Variants in PTPRT observed in about 807,000 individuals in gnomAD.
PTPRT encodes the protein receptor-type tyrosine-protein phosphatase T.
Under a neutral mutation model 176.8 loss-of-function variants are expected in PTPRT, and 56 were observed. That is an observed-to-expected ratio of 0.32 (90% CI 0.26 to 0.40). PTPRT has a LOEUF of 0.40. PTPRT is among the 10% of genes least tolerant of loss of function. PTPRT has a pLI of 1.00. For missense variants in PTPRT, 1,540 were observed against 1,908.2 expected (o/e 0.81, Z 3.60); for synonymous variants, 783 against 739.0 (o/e 1.06, Z -0.96).
At chr20:42,612,876 T>C (rs1262373684) in intron 7 of PTPRT, among the ~76,000 whole-genome samples, 1 of 151,720 alleles carries the variant, frequency 6.6e-6, no homozygotes. Context: ...GTTTCTGTGG[T>C]GTGGGAATGT....
chr20:42,152,567 G>A (rs560094411), intron 17 of PTPRT, among the ~76,000 whole-genome samples: 3 of 152,192 alleles, frequency 2.0e-5, no homozygotes, highest in Admixed American at 2.0e-4. Context: ...TCTCCTTTAG[G>A]TGACAAATTC....
chr20:42,333,995 A>C (rs190020034), intron 11 of PTPRT, among the ~76,000 whole-genome samples: 33 of 152,322 alleles, frequency 2.2e-4, no homozygotes, highest in Admixed American at 1.5e-3. Flanking sequence ...TTTGGCTTTA[A>C]TTTCTAATAC....
intron 1 of PTPRT, among the ~76,000 whole-genome samples, chr20:43,015,690 G>C (rs951240933): frequency 6.6e-6 from 1 of 152,034 alleles, no homozygotes; most frequent in Non-Finnish European, 1.5e-5. Flanking sequence ...CAGATATCCT[G>C]GGCTAGACTC....
At chr20:43,023,289 T>C (rs1159008549) in intron 1 of PTPRT, among the ~76,000 whole-genome samples, 1 of 152,202 alleles carries the variant, frequency 6.6e-6, no homozygotes, top group Non-Finnish European at 1.5e-5. Context: ...TTTTGCATAA[T>C]GACTGTGTGT....
intron 18 of PTPRT, among the ~76,000 whole-genome samples, chr20:42,136,801 C>T (rs1988401387): frequency 6.6e-6 from 1 of 152,102 alleles, no homozygotes; most frequent in African/African-American, 2.4e-5. Flanking sequence ...CCAGGAAACA[C>T]CAGCAGGGGA....
intron 1 of PTPRT, among the ~76,000 whole-genome samples, chr20:42,916,329 G>A (rs1242670614): frequency 6.6e-6 from 1 of 152,138 alleles, no homozygotes; most frequent in Non-Finnish European, 1.5e-5. Flanking sequence ...ATTCCATGGT[G>A]TATATGTGCC....
At chr20:43,067,125 T>C (rs563504806) in intron 1 of PTPRT, among the ~76,000 whole-genome samples, 2 of 152,330 alleles carry the variant, frequency 1.3e-5, no homozygotes, top group South Asian at 4.1e-4. Flanking sequence ...GGCATAGCCA[T>C]ATGAAATATT....
chr20:42,293,607 C>T (rs2057347995), intron 12 of PTPRT, among the ~76,000 whole-genome samples: 1 of 152,124 alleles, frequency 6.6e-6, no homozygotes, highest in Non-Finnish European at 1.5e-5. Flanking sequence ...ATATTATGTT[C>T]TCATGACTCC....
At chr20:43,068,495 ACT>A (rs2011141941) in intron 1 of PTPRT, among the ~76,000 whole-genome samples, 2 of 130,774 alleles carry the variant, frequency 1.5e-5, no homozygotes, top group South Asian at 5.0e-4. Context: ...ACAGAGAGAG[ACT>A]CTGTCTCAAA....
At chr20:43,145,893 T>C (rs2014152953) in intron 1 of PTPRT, among the ~76,000 whole-genome samples, 1 of 152,248 alleles carries the variant, frequency 6.6e-6, no homozygotes, top group South Asian at 2.1e-4. Flanking sequence ...CACTGTTTTC[T>C]GTTCCATAAA....
At chr20:42,544,316 C>T (rs1217921673) in intron 7 of PTPRT, among the ~76,000 whole-genome samples, 1 of 152,234 alleles carries the variant, frequency 6.6e-6, no homozygotes, top group Non-Finnish European at 1.5e-5. Context: ...CTTCACCTTA[C>T]ACTTCTGTTA....
chr20:43,090,542 C>A lies in PTPRT; in HGVS notation c.88+99104G>T, dbSNP rs183333102. Reference sequence around the variant, plus strand: ...CTTGGCCTCCCAAAGTGCCGGGATTCCAGTCGTGAGCCACCGCGCCCAGCC... The same window carrying A: ...CTTGGCCTCCCAAAGTGCCGGGATTACAGTCGTGAGCCACCGCGCCCAGCC... On this transcript the variant is annotated intron_variant, in intron 1 of 30. Coordinates refer to ENST00000373187, the MANE Select transcript of PTPRT (RefSeq NM_007050.6). Among the ~76,000 whole-genome samples, 858 of 152,116 alleles carry A rather than the reference C, an allele frequency of 5.6e-3. 4 individuals carry two copies. Among genetic ancestry groups the A allele is most frequent in the African/African-American group, 0.019 (777 of 41,504 alleles).
intron 6 of PTPRT, among the ~76,000 whole-genome samples, chr20:42,697,437 T>C (rs1291012357): frequency 6.6e-6 from 1 of 152,240 alleles, no homozygotes; most frequent in East Asian, 1.9e-4. Flanking sequence ...TCTATGATCC[T>C]GATATCAAGG....
At chr20:42,927,704 C>T (rs1979577260) in intron 1 of PTPRT, among the ~76,000 whole-genome samples, 1 of 152,164 alleles carries the variant, frequency 6.6e-6, no homozygotes, top group African/African-American at 2.4e-5. Flanking sequence ...CAGCAGGTCA[C>T]TCACCATCAG....
intron 1 of PTPRT, among the ~76,000 whole-genome samples, chr20:42,962,145 C>G (rs1161507448): frequency 6.6e-6 from 1 of 152,208 alleles, no homozygotes; most frequent in African/African-American, 2.4e-5. Flanking sequence ...GAAACTAATA[C>G]AGGTAATGTA....
At chr20:42,685,205 C>A (rs1156988835) in intron 6 of PTPRT, among the ~76,000 whole-genome samples, 1 of 152,156 alleles carries the variant, frequency 6.6e-6, no homozygotes, top group Non-Finnish European at 1.5e-5. Flanking sequence ...ATTTTCAAAG[C>A]CAGCAGAAAA....
intron 1 of PTPRT, among the ~76,000 whole-genome samples, chr20:43,039,956 G>A (rs1986537967): frequency 6.6e-6 from 1 of 152,054 alleles, no homozygotes; most frequent in Non-Finnish European, 1.5e-5. Flanking sequence ...CAGGAGAATT[G>A]TTTGAGCCTG....
At chr20:42,548,866 C>A (rs962341054) in intron 7 of PTPRT, among the ~76,000 whole-genome samples, 1 of 152,114 alleles carries the variant, frequency 6.6e-6, no homozygotes, top group African/African-American at 2.4e-5. Context: ...GACTGATGCT[C>A]CAACTCATTA....
intron 2 of PTPRT, among the ~76,000 whole-genome samples, chr20:42,839,526 G>T (rs546565372): frequency 1.3e-5 from 2 of 152,268 alleles, no homozygotes; most frequent in East Asian, 3.9e-4. Flanking sequence ...AGGGCAGTTG[G>T]AGAAATAATG....
Sources: allele counts gnomAD v4.1 joint callset (sites outside exome capture counted in the v4.1 genomes callset), GRCh38; gene constraint gnomAD v4.1.1; transcripts MANE v1.5; gene names NCBI Gene and HGNC (gene_info 2026-07-23, HGNC 2026-07-21).